CCDC125: variants seen among roughly 807,000 people sequenced by gnomAD.
CCDC125 encodes coiled-coil domain-containing protein 125.
Under a neutral mutation model 57.4 loss-of-function variants are expected in CCDC125, and 43 were observed. The observed-to-expected ratio is 0.75, with a 90% confidence interval of 0.59 to 0.97. CCDC125 has a LOEUF of 0.97. Among genes scored for constraint, CCDC125 ranks in the 50% least tolerant of loss-of-function variants. The probability of loss-of-function intolerance (pLI) is 0.00; values close to 1 mark genes in which losing one functional copy is unlikely to be tolerated. For missense variants in CCDC125, 563 were observed against 595.7 expected (o/e 0.95, Z 0.57); for synonymous variants, 187 against 195.2 (o/e 0.96, Z 0.35).
At chr5:69,288,897 G>A (rs907044492) in intron 10 of CCDC125, among the ~76,000 whole-genome samples, 2 of 152,222 alleles carry the variant, frequency 1.3e-5, no homozygotes, top group African/African-American at 2.4e-5. Flanking sequence ...TGTCAGAAGC[G>A]CTGAGCTGAG....
At chr5:69,286,225 T>TATATATATATAA (rs1753388920) in intron 10 of CCDC125, among the ~76,000 whole-genome samples, 5 of 111,422 alleles carry the variant, frequency 4.5e-5, no homozygotes, top group African/African-American at 1.7e-4. Flanking sequence ...TATATATATA[T>TATATATATATAA]ATATATATAA....
chr5:69,284,088 C>A lies in CCDC125; in HGVS notation c.1231-1054G>T, dbSNP rs1360644426. ...ACAGGCATGAGCCACTGTGCCCAGC[C>A]CCGACGATTATTTTTTAAAAATAAT... is the stretch of plus-strand genomic sequence containing the variant. On this transcript the variant is annotated intron_variant, in intron 11 of 11. Transcript: ENST00000396496. 2.0e-5 allele frequency among the ~76,000 whole-genome samples: 3 copies of A among 151,450 alleles called. No individual in the cohort carries two copies. The East Asian group carries it at 5.8e-4, about 29-fold the overall frequency.
intron 1 of CCDC125, among the ~76,000 whole-genome samples, chr5:69,332,137 G>C (rs910585681): frequency 6.6e-6 from 1 of 152,238 alleles, no homozygotes. Context: ...ACTAACTTGA[G>C]CCCTCCCTGG....
At chr5:69,275,906 C>A (rs78321125), downstream of CCDC125, among the ~76,000 whole-genome samples, 2 of 152,118 alleles carry the variant, frequency 1.3e-5, no homozygotes, top group African/African-American at 4.8e-5. Flanking sequence ...CCCCAAGGTA[C>A]GTCATGTATA....
At position 69,281,536 on chromosome 5, in the gene CCDC125, T is replaced by TA. The variant is rs1295193570; in HGVS notation, c.*1192dup. The TA allele has an allele frequency of 2.0e-5, 3 of 152,148 alleles. No individual in the cohort carries two copies. The highest frequency in any genetic ancestry group is 2.9e-5 in the Non-Finnish European group (2 of 68,040). The allele number at this position is 152,148 out of a possible 1,614,324, so 9.4% of individuals were successfully genotyped here. On this transcript the variant is annotated 3_prime_UTR_variant, in exon 12 of 12. Transcript: ENST00000396496. The stretch of plus-strand genomic sequence containing the variant: ...CTGTGCAGATTTGGTTGCAAAATGT[T>TA]ACTACCCTGACAAGAAGCCATGAAC...
intron 10 of CCDC125, among the ~76,000 whole-genome samples, chr5:69,290,591 C>T (rs932418479): frequency 6.7e-6 from 1 of 150,168 alleles, no homozygotes; most frequent in African/African-American, 2.4e-5. Context: ...GCCTGAGCCA[C>T]CGCACATGGC....
the CCDC125 span, among the ~76,000 whole-genome samples, chr5:69,273,322 CT>C: frequency 9.2e-6 from 1 of 108,960 alleles, no homozygotes; most frequent in South Asian, 3.1e-4. Flanking sequence ...CTTGTAAATA[CT>C]TTACTTAGAA....
chr5:69,275,507 G>T (rs560319678), downstream of CCDC125, among the ~76,000 whole-genome samples: 2 of 152,190 alleles, frequency 1.3e-5, no homozygotes, highest in South Asian at 4.2e-4. Context: ...CTCATAATTA[G>T]TATAGGTTGA....
At position 69,280,957 on chromosome 5, in the gene CCDC125, T is replaced by C. The variant is rs755964104; in HGVS notation, c.*1772A>G. 1.3e-5 allele frequency: 2 copies of C among 152,356 alleles called. No individual in the cohort carries two copies. Among genetic ancestry groups the C allele is most frequent in the Non-Finnish European group, 2.9e-5 (2 of 68,198 alleles). The allele number at this position is 152,356 out of a possible 1,614,324, so 9.4% of individuals were successfully genotyped here. ...CTGGGACAACAGGTGCATGCCACCATGCCTTGCCGAGTTTTTGTATAGATG... is the reference window on the plus strand; with the variant it reads ...CTGGGACAACAGGTGCATGCCACCACGCCTTGCCGAGTTTTTGTATAGATG... On this transcript the variant is annotated 3_prime_UTR_variant, in exon 12 of 12. Transcript: ENST00000396496.
At chr5:69,307,681 CAAAA>C (rs34077586) in intron 5 of CCDC125, 103 of 294,416 alleles carry the variant, frequency 3.5e-4, no homozygotes, top group South Asian at 4.8e-4. Context: ...GACTCCATCT[CAAAA>C]AAAAAAAAAA....
In CCDC125 at chr5:69,314,054, G is replaced by C; in HGVS notation, c.305-8C>G. On this transcript the variant is annotated splice_region_variant and splice_polypyrimidine_tract_variant and intron_variant, in intron 2 of 11. Transcript: ENST00000396496. ...ATTCTGAATTCGAATCTACTTGGGA[G>C]GGAGGAGAAAAGAATCTATTAGGGG... 1.1e-5 allele frequency: 18 copies of C among 1,598,302 alleles called. No homozygotes were observed. The highest frequency in any genetic ancestry group is 1.5e-5 in the Non-Finnish European group (17 of 1,165,750).
chr5:69,286,482 CTT>C (rs1341287189), intron 10 of CCDC125, among the ~76,000 whole-genome samples: 157 of 151,700 alleles, frequency 1.0e-3, no homozygotes, highest in Non-Finnish European at 1.9e-3. Context: ...TTCGCCCCCT[CTT>C]GGCCTCCCAA....
chr5:69,312,618 G>C (rs1758338595), intron 3 of CCDC125, among the ~76,000 whole-genome samples: 1 of 152,174 alleles, frequency 6.6e-6, no homozygotes. Context: ...GTGGAAGGAA[G>C]TGATAACTTA....
chr5:69,329,111 G>A (rs1380143085), intron 1 of CCDC125, among the ~76,000 whole-genome samples: 2 of 151,524 alleles, frequency 1.3e-5, no homozygotes, highest in Admixed American at 6.6e-5. Context: ...ACTTTTAAAA[G>A]ACGACTTGAA....
chr5:69,278,029 C>T (rs574649530), downstream of CCDC125, among the ~76,000 whole-genome samples: 5 of 152,060 alleles, frequency 3.3e-5, no homozygotes, highest in African/African-American at 1.2e-4. Flanking sequence ...TGGGCACGCA[C>T]CACTACACCT....
intron 2 of CCDC125, among the ~76,000 whole-genome samples, chr5:69,314,760 T>C (rs370431406): frequency 6.6e-6 from 1 of 152,114 alleles, no homozygotes; most frequent in East Asian, 1.9e-4. Flanking sequence ...GCTATGACTG[T>C]ACCACTATAC....
intron 8 of CCDC125, among the ~76,000 whole-genome samples, chr5:69,295,357 A>G (rs1755139729): frequency 6.6e-6 from 1 of 152,150 alleles, no homozygotes; most frequent in Non-Finnish European, 1.5e-5. Flanking sequence ...ATTGTAATAT[A>G]TAATGAGAAA....
chr5:69,320,805 G>A (rs1157442962), intron 1 of CCDC125, among the ~76,000 whole-genome samples: 1 of 151,966 alleles, frequency 6.6e-6, no homozygotes, highest in Non-Finnish European at 1.5e-5. Flanking sequence ...GTGTGTGTGT[G>A]TGTGCGTGTG....
At position 69,285,514 on chromosome 5, in the gene CCDC125, C is replaced by T. The variant is rs1479292090; in HGVS notation, c.1100-47G>A. The T allele has an allele frequency of 1.9e-6, 3 of 1,554,262 alleles. No homozygotes were observed. The African/African-American group carries it at 4.2e-5, about 22-fold the overall frequency. On this transcript the variant is annotated intron_variant, in intron 10 of 11. Coordinates refer to ENST00000396496, the MANE Select transcript of CCDC125 (RefSeq NM_176816.5). ...CAGCTGAGACATTAAAATATCCTCA[C>T]TGATATACTTCCAGCAAAAGAGGTA... is the stretch of plus-strand genomic sequence containing the variant.
Sources: gnomAD v4.1 joint callset for allele counts (sites outside exome capture counted in the v4.1 genomes callset) on GRCh38, gnomAD v4.1.1 for gene constraint, MANE v1.5 for transcripts, NCBI Gene and HGNC (gene_info 2026-07-23, HGNC 2026-07-21) for gene names.